MTUS1: variants seen among roughly 807,000 people sequenced by gnomAD.
The protein encoded by MTUS1 is microtubule-associated tumor suppressor 1.
MTUS1 carries 109 observed loss-of-function variants against 120.8 expected under a neutral mutation model. The ratio of observed to expected loss-of-function variants is 0.90; its 90% CI spans 0.77 to 1.06. The LOEUF is 1.06. MTUS1 is among the 50% of genes least tolerant of loss of function. The probability of loss-of-function intolerance (pLI) is 0.00; values close to 1 mark genes in which losing one functional copy is unlikely to be tolerated. For missense variants in MTUS1, 2,210 were observed against 1,486.3 expected (o/e 1.49, Z -8.01); for synonymous variants, 737 against 550.5 (o/e 1.34, Z -4.74).
At chr8:17,680,744 C>T (rs28753877) in intron 7 of MTUS1, among the ~76,000 whole-genome samples, 117,118 of 151,746 alleles carry the variant, frequency 0.77, 45,765 homozygotes, top group East Asian at 0.96. Flanking sequence ...GGCCAGGTTG[C>T]ATGAGGGAAA....
rs771445856 is a variant in MTUS1, at chr8:17,653,260, T to C, written c.3310A>G (p.Ser1104Gly). Residue 1104 changes from serine to glycine, a missense_variant, in exon 12 of 15, where the codon AGT becomes GGT. By Grantham distance (56) the Ser-to-Gly change is moderately conservative. Coordinates refer to ENST00000693296, the MANE Select transcript of MTUS1 (RefSeq NM_001363059.2). ...TTTTCATTTAAAGCATCATTTTCAC[T>C]CTTCAGATCATTGATTTGCTTCTAA... ...SLEKQINDLK[S>G]ENDALNEKLK... is the part of the protein sequence containing the mutation. 1 of 1,555,962 alleles carries C rather than the reference T, an allele frequency of 6.4e-7. No individual in the cohort carries two copies. Among genetic ancestry groups the C allele is most frequent in the South Asian group, 1.2e-5 (1 of 82,206 alleles).
In MTUS1 at chr8:17,656,020, T is replaced by C; in HGVS notation, c.2951A>G (p.Glu984Gly). 6.2e-7 allele frequency: 1 copy of C among 1,614,216 alleles called. No individual in the cohort carries two copies. Among genetic ancestry groups the C allele is most frequent in the Non-Finnish European group, 8.5e-7 (1 of 1,180,046 alleles). Residue 984 changes from glutamate (E) to glycine (G), a missense_variant, in exon 9 of 15, where the codon GAG (glutamate) becomes GGG (glycine). Glu to Gly is a moderately conservative substitution (Grantham distance 98, BLOSUM62 -2). Coordinates refer to ENST00000693296, the MANE Select transcript of MTUS1 (RefSeq NM_001363059.2). ...GAATGCTTCATACACTGTTTGTAACTCATTCCTGGCTTTTTCTAATTTCTC... is the reference window on the plus strand; with the variant it reads ...GAATGCTTCATACACTGTTTGTAACCCATTCCTGGCTTTTTCTAATTTCTC... ...TCEKLEKARN[E>G]LQTVYEAFVQ...
At chr8:17,759,578 G>A (rs143525036) in intron 1 of MTUS1, among the ~76,000 whole-genome samples, 173 of 148,018 alleles carry the variant, frequency 1.2e-3, no homozygotes, top group African/African-American at 2.6e-3. Context: ...TAATGTGCAT[G>A]TTACTATATA....
At position 17,767,700 on chromosome 8, in the gene MTUS1, T is replaced by TAAGAAAAAAAAAAAAA. The variant is rs1554533204; in HGVS notation, c.-154-11740_-154-11739insTTTTTTTTTTTTTCTT. On this transcript the variant is annotated intron_variant, in intron 1 of 14. Coordinates refer to ENST00000693296, the MANE Select transcript of MTUS1 (RefSeq NM_001363059.2). ...GGTGATAGAGCAAGACCCTGTCTCT[T>TAAGAAAAAAAAAAAAA]AAAAAAAAAAAAAAAAAACGGTGTG... is the stretch of plus-strand genomic sequence containing the variant. 3.0e-4 allele frequency among the ~76,000 whole-genome samples: 26 copies of TAAGAAAAAAAAAAAAA among 87,872 alleles called. 1 individual carries two copies. Among genetic ancestry groups the TAAGAAAAAAAAAAAAA allele is most frequent in the African/African-American group, 1.2e-3 (23 of 19,662 alleles). 57.6% of individuals were successfully genotyped at this position (87,872 alleles called of 152,430 possible).
chr8:17,796,980 C>T (rs993901932), intron 1 of MTUS1, among the ~76,000 whole-genome samples: 12 of 152,038 alleles, frequency 7.9e-5, no homozygotes, highest in Admixed American at 2.6e-4. Flanking sequence ...GGCATGGTGG[C>T]GCACACCTGT....
rs753897865 is a variant in MTUS1 at position 17,646,085 on chromosome 8, T to C, written c.3654A>G (p.Lys1218=). The C allele has an allele frequency of 6.2e-7, 1 of 1,613,328 alleles. No individual in the cohort carries two copies. Residue 1218 remains lysine (K), a synonymous_variant, in exon 15 of 15, where the codon AAA becomes AAG. Transcript: ENST00000693296. ...TTTCCATAGAGAGTCGCTTGTTGACTTTCGACTCCTTCTCCAGCGACTCTT... is the reference window on the plus strand; with the variant it reads ...TTTCCATAGAGAGTCGCTTGTTGACCTTCGACTCCTTCTCCAGCGACTCTT... ...VLQESLEKES[K]VNKRLSMENE... is the part of the protein sequence containing the mutation.
chr8:17,660,086 T>C (rs73200130), intron 8 of MTUS1, among the ~76,000 whole-genome samples: 11,725 of 151,980 alleles, frequency 0.077, 522 homozygotes, highest in Middle Eastern at 0.12. Context: ...TATTATTCCA[T>C]TGTTGGCCGG....
rs771615484 is a variant in MTUS1, at chr8:17,753,844, T to A, written c.1964A>T (p.Tyr655Phe). Residue 655 changes from tyrosine to phenylalanine, a missense_variant, in exon 2 of 15, where the codon TAT becomes TTT. Coordinates refer to ENST00000693296, the MANE Select transcript of MTUS1 (RefSeq NM_001363059.2). ...MESAECLEMT[Y>F]VPNIDRISPE... is the part of the protein sequence containing the mutation. ...GCTAATCCTATCAATGTTGGGAACA[T>A]AGGTCATTTCCAAACATTCTGCACT... 6.2e-7 allele frequency: 1 copy of A among 1,614,102 alleles called. No individual in the cohort carries two copies. The highest frequency in any genetic ancestry group is 1.7e-5 in the Admixed American group (1 of 60,016).
intron 6 of MTUS1, among the ~76,000 whole-genome samples, chr8:17,687,488 T>C (rs565338471): frequency 6.6e-5 from 10 of 152,356 alleles, no homozygotes; most frequent in Admixed American, 5.9e-4. Context: ...TACCCTTGCT[T>C]ATTAGCATGT....
At chr8:17,699,923 G>C (rs190286163) in intron 6 of MTUS1, among the ~76,000 whole-genome samples, 1 of 152,096 alleles carries the variant, frequency 6.6e-6, no homozygotes, top group East Asian at 1.9e-4. Context: ...ATGCCTCTGG[G>C]GGGAGCCAAG....
At chr8:17,650,996 C>T (rs1257397588) in intron 12 of MTUS1, among the ~76,000 whole-genome samples, 1 of 152,134 alleles carries the variant, frequency 6.6e-6, no homozygotes, top group African/African-American at 2.4e-5. Context: ...CAGGAAGGGG[C>T]CTCGGGGATT....
chr8:17,721,577 C>G, intron 4 of MTUS1: 4 of 1,100,098 alleles, frequency 3.6e-6, no homozygotes, highest in Non-Finnish European at 3.7e-6. Context: ...AATATACATA[C>G]AAAATGCCCC....
intron 3 of MTUS1, among the ~76,000 whole-genome samples, chr8:17,731,555 T>C (rs1446245527): frequency 1.3e-5 from 2 of 152,000 alleles, no homozygotes; most frequent in Non-Finnish European, 2.9e-5. Context: ...TAATTAAACA[T>C]AGGTCAGTCT....
chr8:17,702,992 G>A (rs563810954), intron 6 of MTUS1, among the ~76,000 whole-genome samples: 3 of 152,112 alleles, frequency 2.0e-5, no homozygotes, highest in Non-Finnish European at 4.4e-5. Flanking sequence ...TGTAAGCTGA[G>A]GATGTACGTC....
chr8:17,791,270 T>C (rs756371782), intron 1 of MTUS1, among the ~76,000 whole-genome samples: 1 of 152,204 alleles, frequency 6.6e-6, no homozygotes, highest in Non-Finnish European at 1.5e-5. Flanking sequence ...TAATATCATA[T>C]TTACAATGTG....
intron 1 of MTUS1, among the ~76,000 whole-genome samples, chr8:17,775,272 T>A (rs568533728): frequency 2.0e-5 from 3 of 150,176 alleles, no homozygotes; most frequent in Admixed American, 1.3e-4. Flanking sequence ...TTTACCATAA[T>A]TTTTTTTTTA....
chr8:17,655,297 AAAAG>A (rs1280409642), intron 9 of MTUS1, among the ~76,000 whole-genome samples: 27 of 152,136 alleles, frequency 1.8e-4, no homozygotes, highest in Middle Eastern at 3.4e-3. Context: ...AAAAAAAAAA[AAAAG>A]AAAGAAATGC....
intron 4 of MTUS1, among the ~76,000 whole-genome samples, chr8:17,720,811 T>C (rs542861986): frequency 2.0e-5 from 3 of 152,342 alleles, no homozygotes; most frequent in South Asian, 4.1e-4. Context: ...CTTTAACCTC[T>C]ATAAATGAGC....
chr8:17,773,238 G>A (rs943691576), intron 1 of MTUS1, among the ~76,000 whole-genome samples: 10 of 152,246 alleles, frequency 6.6e-5, no homozygotes, highest in South Asian at 2.1e-4. Flanking sequence ...TCTCTGAACC[G>A]AATTTTTTAA....
Sources: allele counts gnomAD v4.1 joint callset (sites outside exome capture counted in the v4.1 genomes callset), GRCh38; gene constraint gnomAD v4.1.1; transcripts MANE v1.5; gene names NCBI Gene and HGNC (gene_info 2026-07-23, HGNC 2026-07-21).